The following KIF26B variants were observed in gnomAD, a reference collection of about 807,000 sequenced individuals.
The protein encoded by KIF26B is kinesin-like protein KIF26B.
KIF26B carries 63 observed loss-of-function variants against 151.2 expected under a neutral mutation model. That is an observed-to-expected ratio of 0.42 (90% confidence interval 0.34 to 0.51). KIF26B has a LOEUF of 0.51. KIF26B is among the 20% of genes least tolerant of loss of function. The pLI is 0.07. For synonymous variants in KIF26B, 1,357 were observed against 1,262.1 expected (o/e 1.08, Z -1.59); for missense variants, 2,813 against 2,913.6 (o/e 0.97, Z 0.79).
intron 2 of KIF26B, among the ~76,000 whole-genome samples, chr1:245,344,431 C>A (rs1445944778): frequency 6.7e-6 from 1 of 148,838 alleles, no homozygotes; most frequent in African/African-American, 2.5e-5. Flanking sequence ...GAGGGCGGAG[C>A]CTGCAGTGAG....
At chr1:245,309,632 T>C (rs1440606585) in intron 2 of KIF26B, among the ~76,000 whole-genome samples, 2 of 149,712 alleles carry the variant, frequency 1.3e-5, no homozygotes, top group African/African-American at 4.9e-5. Flanking sequence ...AATAAATACC[T>C]CTCTCATTAT....
At chr1:245,334,614 G>A (rs192059951) in intron 2 of KIF26B, among the ~76,000 whole-genome samples, 28 of 152,348 alleles carry the variant, frequency 1.8e-4, no homozygotes, top group African/African-American at 5.8e-4. Context: ...TCCCTGGAGG[G>A]TCAGCAGAGG....
chr1:245,541,649 C>T (rs988766307), intron 5 of KIF26B, among the ~76,000 whole-genome samples: 2 of 152,298 alleles, frequency 1.3e-5, no homozygotes, highest in African/African-American at 4.8e-5. Context: ...GAAAGAAAGA[C>T]GTGGCGGTTT....
intron 4 of KIF26B, among the ~76,000 whole-genome samples, chr1:245,435,815 C>T (rs574765438): frequency 2.0e-5 from 3 of 152,298 alleles, no homozygotes; most frequent in Non-Finnish European, 4.4e-5. Context: ...GCCACTGCTC[C>T]TTGGGAACAA....
intron 2 of KIF26B, among the ~76,000 whole-genome samples, chr1:245,219,458 C>T (rs1043930672): frequency 3.3e-5 from 5 of 151,932 alleles, no homozygotes; most frequent in Non-Finnish European, 5.9e-5. Flanking sequence ...TGCAGCTAGG[C>T]GCGGTAGCTC....
At chr1:245,264,718 C>A (rs1476456940) in intron 2 of KIF26B, among the ~76,000 whole-genome samples, 4 of 149,878 alleles carry the variant, frequency 2.7e-5, no homozygotes, top group African/African-American at 4.9e-5. Context: ...CAAGGTGAAA[C>A]CCCGTTTCTA....
intron 3 of KIF26B, among the ~76,000 whole-genome samples, chr1:245,408,157 C>G (rs1674182130): frequency 6.6e-6 from 1 of 152,096 alleles, no homozygotes; most frequent in Non-Finnish European, 1.5e-5. Flanking sequence ...GTGATTCCAT[C>G]TTGACTACTC....
intron 2 of KIF26B, among the ~76,000 whole-genome samples, chr1:245,173,752 C>G (rs139173848): frequency 0.019 from 2,892 of 152,166 alleles, 33 homozygotes; most frequent in Non-Finnish European, 0.029. Flanking sequence ...ATGCAGGAGT[C>G]CCCCCCACCT....
At chr1:245,313,150 C>T (rs1246229830) in intron 2 of KIF26B, among the ~76,000 whole-genome samples, 1 of 151,936 alleles carries the variant, frequency 6.6e-6, no homozygotes, top group Admixed American at 6.6e-5. Flanking sequence ...CAGAGTGAGA[C>T]TCCATCTCAA....
At chr1:245,499,151 A>G (rs1660569656) in intron 4 of KIF26B, among the ~76,000 whole-genome samples, 1 of 152,048 alleles carries the variant, frequency 6.6e-6, no homozygotes, top group East Asian at 1.9e-4. Context: ...GCCCAAAGAG[A>G]AAGATGTATG....
At chr1:245,191,832 G>A (rs1158987438) in intron 2 of KIF26B, among the ~76,000 whole-genome samples, 1 of 152,094 alleles carries the variant, frequency 6.6e-6, no homozygotes, top group Non-Finnish European at 1.5e-5. Context: ...GCTACCAAAC[G>A]CAAGAAAAAT....
intron 2 of KIF26B, among the ~76,000 whole-genome samples, chr1:245,186,129 T>C (rs1207391595): frequency 6.6e-6 from 1 of 152,118 alleles, no homozygotes. Flanking sequence ...CACCTTGGTC[T>C]CCCAAAGTGC....
At chr1:245,534,703 A>G (rs1391617383) in intron 4 of KIF26B, among the ~76,000 whole-genome samples, 2 of 152,062 alleles carry the variant, frequency 1.3e-5, no homozygotes, top group Non-Finnish European at 2.9e-5. Context: ...AAAACAACCC[A>G]TTCATTTTTT....
chr1:245,186,661 T>C (rs187876661), intron 2 of KIF26B, among the ~76,000 whole-genome samples: 1 of 152,308 alleles, frequency 6.6e-6, no homozygotes. Flanking sequence ...TATCTCTAAC[T>C]TGGCCTTCTG....
At chr1:245,669,305 A>G (rs1457216689) in intron 10 of KIF26B, among the ~76,000 whole-genome samples, 2 of 152,218 alleles carry the variant, frequency 1.3e-5, no homozygotes, top group African/African-American at 2.4e-5. Context: ...GATGCTAAAG[A>G]AAAATTAGTT....
chr1:245,520,114 T>TGAGAGAGAGAGA (rs10650644), intron 4 of KIF26B, among the ~76,000 whole-genome samples: 6,028 of 132,330 alleles, frequency 0.046, 166 homozygotes, highest in South Asian at 0.058. Context: ...CTCAACTAAC[T>TGAGAGAGAGAGA]GAGAGAGAGA....
At chr1:245,530,153 A>G (rs929832150) in intron 4 of KIF26B, among the ~76,000 whole-genome samples, 6 of 152,080 alleles carry the variant, frequency 3.9e-5, no homozygotes, top group African/African-American at 1.4e-4. Flanking sequence ...CACAGTTAAA[A>G]TGGCTTTTAT....
chr1:245,332,234 G>C (rs758084005), intron 2 of KIF26B, among the ~76,000 whole-genome samples: 1 of 152,294 alleles, frequency 6.6e-6, no homozygotes, highest in East Asian at 1.9e-4. Flanking sequence ...GACCATTTGT[G>C]TATCAGTGGT....
rs932686960 is a variant in KIF26B, at chr1:245,340,908, G to A, written c.466-25926G>A. 4.6e-5 allele frequency among the ~76,000 whole-genome samples: 7 copies of A among 152,324 alleles called. No homozygotes were observed. In the East Asian group the frequency reaches 5.8e-4, roughly 13 times the overall value. Reference sequence around the variant, plus strand: ...AGGGAAATGCACTGCGGTCATCCAGGTGAGAAATGATGGTGGCCTCAGTGC... The same window carrying A: ...AGGGAAATGCACTGCGGTCATCCAGATGAGAAATGATGGTGGCCTCAGTGC... On this transcript the variant is annotated intron_variant, in intron 2 of 14. Coordinates refer to ENST00000407071, the MANE Select transcript of KIF26B (RefSeq NM_018012.4).
Sources: allele counts gnomAD v4.1 joint callset (sites outside exome capture counted in the v4.1 genomes callset), GRCh38; gene constraint gnomAD v4.1.1; transcripts MANE v1.5; gene names NCBI Gene and HGNC (gene_info 2026-07-23, HGNC 2026-07-21).